Variants in RTTN observed in about 807,000 individuals in gnomAD.
RTTN encodes rotatin.
In RTTN, 182 loss-of-function variants were observed where a neutral mutation model predicts 269.2. The ratio of observed to expected loss-of-function variants is 0.68; its 90% CI spans 0.60 to 0.76. The LOEUF (loss-of-function observed/expected upper bound fraction) is 0.76. RTTN is among the 30% of genes least tolerant of loss of function. RTTN has a pLI of 0.00. For missense variants in RTTN, 2,545 were observed against 2,608.6 expected, an observed-to-expected ratio of 0.98 and a Z score of 0.53; for synonymous variants, 1,006 against 963.5, an observed-to-expected ratio of 1.04 and a Z score of -0.82.
chr18:70,017,594 C>T lies in RTTN; in HGVS notation c.6234G>A (p.Trp2078Ter). The T allele has an allele frequency of 6.2e-7, 1 of 1,613,990 alleles. No individual in the cohort carries two copies. Among genetic ancestry groups the T allele is most frequent in the African/African-American group, 1.3e-5 (1 of 75,048 alleles). The stretch of plus-strand genomic sequence containing the variant: ...ATGATATATTCAGGAGTAACTTCAA[C>T]CAAAGAATAGTCAGATTACTTAGAT... ...NKHLSNLTIL[W>*]LKLLLNISSG... Residue 2078 changes from tryptophan (W) to a stop codon, truncating the protein, a stop_gained, in exon 46 of 49, where the codon TGG (tryptophan) becomes TGA (stop). Coordinates refer to ENST00000640769, the MANE Select transcript of RTTN (RefSeq NM_173630.4). LOFTEE classifies it high-confidence loss of function.
intron 14 of RTTN, among the ~76,000 whole-genome samples, chr18:70,155,823 C>T (rs1403211568): frequency 1.3e-5 from 2 of 152,174 alleles, no homozygotes; most frequent in African/African-American, 4.8e-5. Context: ...CAAATTAATA[C>T]TTTTATAATT....
chr18:70,050,713 A>G (rs1390837778), intron 39 of RTTN, among the ~76,000 whole-genome samples: 1 of 152,220 alleles, frequency 6.6e-6, no homozygotes, highest in Non-Finnish European at 1.5e-5. Context: ...AAAATGCAGC[A>G]CATATACACC....
intron 32 of RTTN, among the ~76,000 whole-genome samples, chr18:70,080,137 A>G (rs2058526341): frequency 1.3e-5 from 2 of 152,150 alleles, no homozygotes; most frequent in Non-Finnish European, 2.9e-5. Context: ...AAAATAATAC[A>G]TATTAATCAT....
chr18:70,195,066 T>C (rs546199297), intron 7 of RTTN, among the ~76,000 whole-genome samples: 28 of 152,262 alleles, frequency 1.8e-4, no homozygotes, highest in Admixed American at 1.5e-3. Flanking sequence ...AAAGAAAATA[T>C]AAAATCTTTA....
At chr18:70,183,231 C>T (rs1040145980) in intron 10 of RTTN, among the ~76,000 whole-genome samples, 3 of 152,110 alleles carry the variant, frequency 2.0e-5, no homozygotes, top group Non-Finnish European at 2.9e-5. Context: ...CTGACAGTCT[C>T]GATGACTTTA....
chr18:70,062,519 T>G (rs2144923441), intron 35 of RTTN, among the ~76,000 whole-genome samples: 1 of 152,242 alleles, frequency 6.6e-6, no homozygotes, highest in South Asian at 2.1e-4. Flanking sequence ...TATCATAAAC[T>G]ATAAATACTC....
At chr18:70,073,103 T>C (rs1315562474) in intron 34 of RTTN, among the ~76,000 whole-genome samples, 1 of 152,122 alleles carries the variant, frequency 6.6e-6, no homozygotes, top group East Asian at 1.9e-4. Context: ...TGGAAACAGG[T>C]GTATCAAATC....
chr18:70,145,417 A>G (rs1188671512), intron 18 of RTTN, among the ~76,000 whole-genome samples, 195 bp downstream of exon 18: 2 of 152,162 alleles, frequency 1.3e-5, no homozygotes, highest in Non-Finnish European at 2.9e-5. Flanking sequence ...TAGTGCCAAA[A>G]AGGTTGGGAC....
chr18:70,049,435 A>G (rs2057590867), intron 39 of RTTN, among the ~76,000 whole-genome samples: 1 of 152,210 alleles, frequency 6.6e-6, no homozygotes, highest in African/African-American at 2.4e-5. Flanking sequence ...CTACGTGGAC[A>G]CTGTACTCCA....
intron 32 of RTTN, among the ~76,000 whole-genome samples, chr18:70,083,412 G>A (rs1050162413): frequency 1.3e-5 from 2 of 152,136 alleles, no homozygotes; most frequent in African/African-American, 2.4e-5. Context: ...CTCTGTGGTA[G>A]GGGTTGGGAG....
chr18:70,034,514 C>T (rs765510445), intron 40 of RTTN, among the ~76,000 whole-genome samples: 9 of 152,150 alleles, frequency 5.9e-5, no homozygotes, highest in Non-Finnish European at 1.2e-4. Context: ...TTAAAAACTC[C>T]TAACAAATTA....
chr18:70,182,745 T>C (rs2061448400), intron 10 of RTTN, among the ~76,000 whole-genome samples: 1 of 152,208 alleles, frequency 6.6e-6, no homozygotes. Flanking sequence ...TGTTGTAATA[T>C]AACATTCTTA....
chr18:70,201,556 C>T (rs2061948098), intron 4 of RTTN, among the ~76,000 whole-genome samples: 1 of 122,520 alleles, frequency 8.2e-6, no homozygotes, highest in Non-Finnish European at 1.6e-5. Flanking sequence ...TGCAGTGAGC[C>T]GAGATCCCAC....
At chr18:70,090,972 C>CT (rs1181535926) in intron 30 of RTTN, among the ~76,000 whole-genome samples, 1 of 152,140 alleles carries the variant, frequency 6.6e-6, no homozygotes, top group Non-Finnish European at 1.5e-5. Flanking sequence ...TCACTTCTTC[C>CT]TTTTTTTCCT....
At position 70,166,059 on chromosome 18, in the gene RTTN, C is replaced by T. The variant is rs75464253; in HGVS notation, c.1929+3G>A. The T allele has an allele frequency of 1.3e-3, 2,099 of 1,613,312 alleles. 23 individuals are homozygous for T. The African/African-American group carries it at 0.024, about 18-fold the overall frequency. On this transcript the variant is annotated splice_donor_region_variant and intron_variant, in intron 14 of 48. Transcript: ENST00000640769. ...CAAAACATACGAAAAAACAAAACCTCACCTTCGTGATTTCCAGACAGCAGT... is the reference window on the plus strand; with the variant it reads ...CAAAACATACGAAAAAACAAAACCTTACCTTCGTGATTTCCAGACAGCAGT...
At chr18:70,162,814 C>A (rs2060868874) in intron 14 of RTTN, among the ~76,000 whole-genome samples, 1 of 135,168 alleles carries the variant, frequency 7.4e-6, no homozygotes, top group African/African-American at 2.7e-5. Flanking sequence ...ATTTGTACAC[C>A]AAACCCCAGC....
chr18:70,041,288 G>A (rs72959834), intron 40 of RTTN, among the ~76,000 whole-genome samples: 5 of 151,988 alleles, frequency 3.3e-5, no homozygotes, highest in African/African-American at 9.6e-5. Context: ...GCAGGGTTGG[G>A]TCGGAGTTAA....
chr18:70,119,301 A>G (rs910070365), intron 26 of RTTN, among the ~76,000 whole-genome samples: 36 of 137,792 alleles, frequency 2.6e-4, no homozygotes, highest in African/African-American at 8.8e-4. Context: ...CCCCCAAAAA[A>G]AAACCTCATT....
chr18:70,155,571 CT>C (rs2060651355), intron 14 of RTTN, among the ~76,000 whole-genome samples: 2 of 152,218 alleles, frequency 1.3e-5, no homozygotes, highest in South Asian at 4.1e-4. Flanking sequence ...AGGATCCTAA[CT>C]ATGGGAGACC....
Sources: gnomAD v4.1 joint callset for allele counts (sites outside exome capture counted in the v4.1 genomes callset) on GRCh38, gnomAD v4.1.1 for gene constraint, MANE v1.5 for transcripts, NCBI Gene and HGNC (gene_info 2026-07-23, HGNC 2026-07-21) for gene names.